The following BAP1 variants were observed in gnomAD, a reference collection of about 807,000 sequenced individuals.
BAP1 encodes ubiquitin carboxyl-terminal hydrolase BAP1.
A neutral mutation model predicts 77.2 loss-of-function variants in BAP1; 16 were observed. The ratio of observed to expected loss-of-function variants is 0.21; its 90% confidence interval spans 0.14 to 0.31. The LOEUF (loss-of-function observed/expected upper bound fraction) is 0.31. Among genes scored for constraint, BAP1 ranks in the 10% least tolerant of loss-of-function variants. The pLI is 1.00. For missense variants in BAP1, 699 were observed against 967.3 expected (o/e 0.72, Z 3.68); for synonymous variants, 362 against 385.2 (o/e 0.94, Z 0.71).
chr3:52,407,186 G>C lies in BAP1; in HGVS notation c.568C>G (p.Pro190Ala), dbSNP rs2153227774. ...LFELDGLKVYPIDHGPWGEDE... is the reference protein window; with the variant it reads ...LFELDGLKVYAIDHGPWGEDE... ...TCATGGTGCCTACCATGGTCAATGG[G>C]GTAGACCTTCAGCCCATCCAGCTCA... Residue 190 changes from proline (P) to alanine (A), a missense_variant, in exon 7 of 17, where the codon CCC becomes GCC. Coordinates refer to ENST00000460680, the MANE Select transcript of BAP1 (RefSeq NM_004656.4). 1 of 1,614,044 alleles carries C rather than the reference G, an allele frequency of 6.2e-7. No individual in the cohort carries two copies. Among genetic ancestry groups the C allele is most frequent in the Non-Finnish European group, 8.5e-7 (1 of 1,180,038 alleles).
In BAP1 at chr3:52,401,525, G is replaced by A. The variant is rs966560091; in HGVS notation, c.*763C>T. The A allele has an allele frequency of 4.3e-6, 1 of 233,806 alleles. No individual in the cohort carries two copies. The highest frequency in any genetic ancestry group is 8.5e-6 in the Non-Finnish European group (1 of 118,136). The allele number at this position is 233,806 out of a possible 1,614,324, so 14.5% of individuals were successfully genotyped here. Reference sequence around the variant, plus strand: ...CTAGGGCCACAACACTGAAGGCGAAGAGCCCTAGAACCTTGCTATGGAGAG... The same window carrying A: ...CTAGGGCCACAACACTGAAGGCGAAAAGCCCTAGAACCTTGCTATGGAGAG... On this transcript the variant is annotated 3_prime_UTR_variant, in exon 17 of 17. Transcript: ENST00000460680.
chr3:52,407,366 C>T, intron 6 of BAP1, 33 bp downstream of exon 6: 1 of 1,614,214 alleles, frequency 6.2e-7, no homozygotes, highest in Non-Finnish European at 8.5e-7. Flanking sequence ...CCCCTACTCC[C>T]ACCCCACATC....
Position 52,406,289 on chromosome 3 carries a change from C to T in BAP1, c.747G>A (p.Lys249=), listed in dbSNP as rs1553645603. 1.2e-6 allele frequency: 2 copies of T among 1,614,204 alleles called. No individual in the cohort carries two copies. Among genetic ancestry groups the T allele is most frequent in the Non-Finnish European group, 1.7e-6 (2 of 1,180,036 alleles). Residue 249 remains lysine, a synonymous_variant, in exon 9 of 17, where the codon AAG becomes AAA. Coordinates refer to ENST00000460680, the MANE Select transcript of BAP1 (RefSeq NM_004656.4). The surrounding 1 kb of genome is among the most constrained non-coding windows in gnomAD (Gnocchi z 4.6). The part of the protein sequence containing the change: ...IKYEARLHVL[K]VNRQTVLEAL... ...CCTCTAGTACTGTCTGACGGTTCAC[C>T]TTCAGCACATGCAGCCTGGCCTCAT...
At position 52,402,876 on chromosome 3, in the gene BAP1, C is replaced by G; in HGVS notation, c.1891-5G>C. 1 of 1,614,132 alleles carries G rather than the reference C, an allele frequency of 6.2e-7. No homozygotes were observed. The highest frequency in any genetic ancestry group is 1.1e-5 in the South Asian group (1 of 91,084). On this transcript the variant is annotated splice_region_variant and splice_polypyrimidine_tract_variant and intron_variant, in intron 14 of 16. Coordinates refer to ENST00000460680, the MANE Select transcript of BAP1 (RefSeq NM_004656.4). The surrounding 1 kb of genome is among the most constrained non-coding windows in gnomAD (Gnocchi z 5.3). Reference sequence around the variant, plus strand: ...CTTCAGCAGTGCCAGCAGCTCCTGCCAAAACCCAGCATTGCACCTCTGATC... The same window carrying G: ...CTTCAGCAGTGCCAGCAGCTCCTGCGAAAACCCAGCATTGCACCTCTGATC...
At position 52,403,078 on chromosome 3, in the gene BAP1, G is replaced by A; in HGVS notation, c.1890+60C>T. On this transcript the variant is annotated intron_variant, in intron 14 of 16. Coordinates refer to ENST00000460680, the MANE Select transcript of BAP1 (RefSeq NM_004656.4). The surrounding 1 kb of genome is among the most constrained non-coding windows in gnomAD (Gnocchi z 4.0). ...AATCAAGAACTTGGCACCTGGGCAG[G>A]AGGAGCTCAGGCCTTACCCTCTGCC... The A allele has an allele frequency of 1.2e-6, 2 of 1,604,136 alleles. No homozygotes were observed. The highest frequency in any genetic ancestry group is 2.2e-5 in the East Asian group (1 of 44,868).
rs1431047957 is a variant in BAP1 at position 52,406,222 on chromosome 3, T to C, written c.783+31A>G. 1 of 1,590,958 alleles carries C rather than the reference T, an allele frequency of 6.3e-7. No homozygotes were observed. ...AGGAGGAATGCAGGGAGGGTTGGGCTGGGCAGAGGCCAGGAAGAAAGGGCA... is the reference window on the plus strand; with the variant it reads ...AGGAGGAATGCAGGGAGGGTTGGGCCGGGCAGAGGCCAGGAAGAAAGGGCA... On this transcript the variant is annotated intron_variant, in intron 9 of 16. Transcript: ENST00000460680. The surrounding 1 kb of genome is among the most constrained non-coding windows in gnomAD (Gnocchi z 4.6).
chr3:52,405,721 C>G (rs1423305931), intron 10 of BAP1, 44 bp downstream of exon 10: 6 of 1,610,196 alleles, frequency 3.7e-6, no homozygotes, highest in Non-Finnish European at 5.1e-6. Flanking sequence ...CAGACATTAG[C>G]GGGTGGCTCT....
Position 52,402,539 on chromosome 3 carries a change from G to A in BAP1, c.2056+63C>T, listed in dbSNP as rs1339994388. On this transcript the variant is annotated intron_variant, in intron 16 of 16. Transcript: ENST00000460680. This position sits in a 1 kb window ranked among gnomAD's most constrained non-coding sequence, Gnocchi z 5.3. ...CAAGCCTCAGGAGAGGCCAGGGGAGGGGAGCTGAAGGACACGGCCCTCAGC... is the reference window on the plus strand; with the variant it reads ...CAAGCCTCAGGAGAGGCCAGGGGAGAGGAGCTGAAGGACACGGCCCTCAGC... The A allele has an allele frequency of 1.2e-6, 2 of 1,612,074 alleles. No homozygotes were observed. Among genetic ancestry groups the A allele is most frequent in the South Asian group, 1.1e-5 (1 of 90,974 alleles).
intron 5 of BAP1, 119 bp from the exon 6 acceptor site, chr3:52,407,579 C>A (rs1705207941): frequency 2.1e-6 from 3 of 1,404,854 alleles, no homozygotes; most frequent in African/African-American, 1.4e-5. Context: ...GGAACACAGA[C>A]GAACTTTCTT....
At position 52,403,429 on chromosome 3, in the gene BAP1, G is replaced by A. The variant is rs1240647699; in HGVS notation, c.1716C>T (p.Pro572=). The change falls in exon 13 of 17, where the codon CCC becomes CCT. Residue 572 remains proline (P), a synonymous_variant. Transcript: ENST00000460680. The surrounding 1 kb of genome is among the most constrained non-coding windows in gnomAD (Gnocchi z 4.0). ...LHLAEDGVLS[P]LALTEGGKGS... is the part of the protein sequence containing the mutation. ...TCCAAGGCCCACCTGTCAGCGCCAG[G>A]GGACTCAGCACCCCATCCTCAGCCA... 2 of 1,613,708 alleles carry A rather than the reference G, an allele frequency of 1.2e-6. No homozygotes were observed. Among genetic ancestry groups the A allele is most frequent in the South Asian group, 1.1e-5 (1 of 91,088 alleles).
At chr3:52,405,964 CCTTAAATAGCT>C (rs1449175074) in intron 9 of BAP1, 52 bp from the exon 10 acceptor site, 1 of 1,610,602 alleles carries the variant, frequency 6.2e-7, no homozygotes, top group Non-Finnish European at 8.5e-7. Context: ...CGGGCTTCTA[CCTTAAATAGCT>C]AAGGGCTGAG....
Position 52,403,734 on chromosome 3 carries a change from C to A in BAP1, c.1411G>T (p.Ala471Ser), listed in dbSNP as rs946145283. Residue 471 changes from alanine to serine, a missense_variant, in exon 13 of 17, where the codon GCT becomes TCT. Physicochemically the swap from Ala to Ser is moderately conservative, Grantham distance 99. This residue lies in a region of BAP1 where 475 missense variants were observed against 532.4 expected (regional missense o/e 0.89). Coordinates refer to ENST00000460680, the MANE Select transcript of BAP1 (RefSeq NM_004656.4). The surrounding 1 kb of genome is among the most constrained non-coding windows in gnomAD (Gnocchi z 4.0). ...IPLSIKTSSG[A>S]GSPAVAVPTH... ...GGCACTGCCACAGCCGGACTCCCAG[C>A]CCCGCTGCTAGTCTTGATGGACAGA... The A allele has an allele frequency of 6.2e-7, 1 of 1,614,042 alleles. No individual in the cohort carries two copies. The highest frequency in any genetic ancestry group is 8.5e-7 in the Non-Finnish European group (1 of 1,180,018).
Position 52,401,756 on chromosome 3 carries a change from C to A in BAP1, c.*532G>T. The A allele has an allele frequency of 4.0e-6, 1 of 247,308 alleles. No homozygotes were observed. Among genetic ancestry groups the A allele is most frequent in the South Asian group, 1.4e-4 (1 of 7,236 alleles). The allele number at this position is 247,308 out of a possible 1,614,324, so 15.3% of individuals were successfully genotyped here. A position where few individuals can be genotyped will look rare whatever the true frequency, so the allele number is the denominator to read the frequency against. On this transcript the variant is annotated 3_prime_UTR_variant, in exon 17 of 17. Transcript: ENST00000460680. ...GAAGAGAGAAGACCTGGCTTCCTTACAACAGGGACAGGCTGGTGGCTGGGG... is the reference window on the plus strand; with the variant it reads ...GAAGAGAGAAGACCTGGCTTCCTTAAAACAGGGACAGGCTGGTGGCTGGGG...
Position 52,406,933 on chromosome 3 carries a change from A to G in BAP1, c.581-26T>C, listed in dbSNP as rs935433882. ...CTAGTGGAGACCAAGACAAGGAATCAGCGAGAAGGAAACCCTGAGTTTGGG... is the reference window on the plus strand; with the variant it reads ...CTAGTGGAGACCAAGACAAGGAATCGGCGAGAAGGAAACCCTGAGTTTGGG... On this transcript the variant is annotated intron_variant, in intron 7 of 16. Coordinates refer to ENST00000460680, the MANE Select transcript of BAP1 (RefSeq NM_004656.4). This position sits in a 1 kb window ranked among gnomAD's most constrained non-coding sequence, Gnocchi z 4.6. The G allele has an allele frequency of 1.9e-6, 3 of 1,560,504 alleles. No individual in the cohort carries two copies. Among genetic ancestry groups the G allele is most frequent in the East Asian group, 2.4e-5 (1 of 41,812 alleles).
chr3:52,408,730 T>G, intron 3 of BAP1, 124 bp from the exon 4 acceptor site: 1 of 1,260,108 alleles, frequency 7.9e-7, no homozygotes, highest in Middle Eastern at 2.2e-4. Flanking sequence ...TGATCCCCCC[T>G]CTCCCCTGGC....
At position 52,405,290 on chromosome 3, in the gene BAP1, A is replaced by G. The variant is rs1553645337; in HGVS notation, c.936T>C (p.Gly312=). 1 of 1,613,692 alleles carries G rather than the reference A, an allele frequency of 6.2e-7. No homozygotes were observed. ...PAASEGNHTD[G]AEEAAGSCAQ... The stretch of plus-strand genomic sequence containing the variant: ...CGCATGAACCAGCCGCCTCCTCTGC[A>G]CCATCTGAGACAGGGCAAGAACACA... Residue 312 remains glycine (G), a synonymous_variant, in exon 11 of 17, where the codon GGT becomes GGC. Coordinates refer to ENST00000460680, the MANE Select transcript of BAP1 (RefSeq NM_004656.4).
chr3:52,404,352 T>C (rs1229160985), intron 12 of BAP1, 101 bp downstream of exon 12: 2 of 1,596,558 alleles, frequency 1.3e-6, no homozygotes, highest in Admixed American at 1.7e-5. Flanking sequence ...CCGCAGGTGC[T>C]CAACATTATC....
chr3:52,409,590 A>G lies in BAP1; in HGVS notation c.86T>C (p.Val29Ala). 2 of 1,614,044 alleles carry G rather than the reference A, an allele frequency of 1.2e-6. No homozygotes were observed. The highest frequency in any genetic ancestry group is 8.5e-7 in the Non-Finnish European group (1 of 1,179,978). The change falls in exon 3 of 17, where the codon GTG (valine) becomes GCG (alanine). Residue 29 changes from valine (V) to alanine (A), a missense_variant. Transcript: ENST00000460680. ...VEDFGVKGVQ[V>A]EEIYDLQSKC... ...GCTCTGAAGGTCGTAGATCTCCTCC[A>G]CTTGCACCCCCTTGACACCTGCGAT...
At position 52,409,955 on chromosome 3, in the gene BAP1, G is replaced by A. The variant is rs1216882827; in HGVS notation, c.-77C>T. The A allele has an allele frequency of 2.5e-5, 38 of 1,540,550 alleles. No homozygotes were observed. Among genetic ancestry groups the A allele is most frequent in the South Asian group, 2.4e-4 (20 of 84,880 alleles). On this transcript the variant is annotated 5_prime_UTR_variant, in exon 1 of 17. Transcript: ENST00000460680. ...GCTGCCCCCACCGGGAGCCCCCACC[G>A]CCCCCGGGGCCCCTCAGTCCCACAC...
Sources: allele counts gnomAD v4.1 joint callset, GRCh38; gene constraint gnomAD v4.1.1; regional missense constraint gnomAD v4.1.1; non-coding constraint Gnocchi (gnomAD v3.1); transcripts MANE v1.5; gene names NCBI Gene and HGNC (gene_info 2026-07-23, HGNC 2026-07-21).